Variants in GSG1L observed in about 807,000 individuals in gnomAD.
The protein encoded by GSG1L is germ cell-specific gene 1-like protein.
In GSG1L, 24 loss-of-function variants were observed where a neutral mutation model predicts 42.1. The ratio of observed to expected loss-of-function variants is 0.57; its 90% confidence interval spans 0.41 to 0.80. The LOEUF is 0.80. GSG1L is among the 30% of genes least tolerant of loss of function. The pLI, the probability that GSG1L is intolerant of heterozygous loss-of-function variation, is 0.00. For missense variants in GSG1L, 445 were observed against 472.2 expected, an observed-to-expected ratio of 0.94 and a Z score of 0.53; for synonymous variants, 215 against 203.5, an observed-to-expected ratio of 1.06 and a Z score of -0.48.
Position 27,865,552 on chromosome 16 carries a change from TATATATATATATATATATATACAC to T in GSG1L, c.550+18910_550+18933del, listed in dbSNP as rs1348998036. 7.9e-3 allele frequency among the ~76,000 whole-genome samples: 339 copies of T among 42,756 alleles called. 21 individuals carry two copies. The highest frequency in any genetic ancestry group is 0.04 in the South Asian group (62 of 1,538). The allele number at this position is 42,756 out of a possible 152,430, so 28.0% of individuals were successfully genotyped here. ...ATATATATATATATATATATATATA[TATATATATATATATATATATACAC>T]ACACACATACATACATACACACACA... On this transcript the variant is annotated intron_variant, in intron 3 of 6. Transcript: ENST00000447459.
intron 3 of GSG1L, among the ~76,000 whole-genome samples, chr16:27,854,064 T>G (rs2140992825): frequency 6.6e-6 from 1 of 151,848 alleles, no homozygotes; most frequent in Non-Finnish European, 1.5e-5. Context: ...TACATCCAGG[T>G]GTTCCAAGAA....
chr16:27,837,412 A>G (rs1194556463), intron 4 of GSG1L, among the ~76,000 whole-genome samples: 3 of 143,572 alleles, frequency 2.1e-5, no homozygotes, highest in Admixed American at 6.9e-5. Flanking sequence ...CAAGATGGAG[A>G]TGGTTCCTGG....
At chr16:27,822,097 G>C (rs1166032771) in intron 5 of GSG1L, among the ~76,000 whole-genome samples, 1 of 151,938 alleles carries the variant, frequency 6.6e-6, no homozygotes, top group East Asian at 1.9e-4. Context: ...GGGGTGAGGG[G>C]GGCGGGGGCA....
chr16:27,891,083 A>G (rs1392036779), intron 2 of GSG1L, among the ~76,000 whole-genome samples: 1 of 152,002 alleles, frequency 6.6e-6, no homozygotes. Context: ...ATGCCGGGGG[A>G]CGTACACCAA....
intron 4 of GSG1L, among the ~76,000 whole-genome samples, chr16:27,833,695 C>CT (rs1943438090): frequency 6.6e-6 from 1 of 151,988 alleles, no homozygotes; most frequent in East Asian, 1.9e-4. Context: ...GTCTATTTCA[C>CT]TTTTTTAGTA....
In GSG1L at chr16:28,018,173, C is replaced by T. The variant is rs143591922; in HGVS notation, c.349+44903G>A. Reference sequence around the variant, plus strand: ...ACCATCAGAGAACATGTTGTTCAAACACTGCCTGTAACATTAGTAATGCAA... The same window carrying T: ...ACCATCAGAGAACATGTTGTTCAAATACTGCCTGTAACATTAGTAATGCAA... On this transcript the variant is annotated intron_variant, in intron 1 of 6. Coordinates refer to ENST00000447459, the MANE Select transcript of GSG1L (RefSeq NM_001109763.2). Among the ~76,000 whole-genome samples, 603 of 152,308 alleles carry T rather than the reference C, an allele frequency of 4.0e-3. 3 individuals are homozygous for T. The highest frequency in any genetic ancestry group is 0.012 in the African/African-American group (485 of 41,560).
chr16:27,909,894 G>A (rs912213724), intron 2 of GSG1L, among the ~76,000 whole-genome samples: 2 of 151,498 alleles, frequency 1.3e-5, no homozygotes, highest in Non-Finnish European at 2.9e-5. Flanking sequence ...ATCAAGGTTC[G>A]GGGAAGCAAT....
In GSG1L at chr16:28,038,168, A is replaced by C. The variant is rs115691979; in HGVS notation, c.349+24908T>G. ...TGTTGTGTTTTGTTTTAGAGACAGG[A>C]TCTTGCTCTGTTGCCCAGGATGGTC... On this transcript the variant is annotated intron_variant, in intron 1 of 6. Coordinates refer to ENST00000447459, the MANE Select transcript of GSG1L (RefSeq NM_001109763.2). 4.8e-3 allele frequency among the ~76,000 whole-genome samples: 731 copies of C among 152,218 alleles called. 3 individuals carry two copies. The highest frequency in any genetic ancestry group is 0.017 in the African/African-American group (687 of 41,516).
chr16:27,959,531 G>A (rs71377618), intron 2 of GSG1L, among the ~76,000 whole-genome samples: 1 of 143,890 alleles, frequency 6.9e-6, no homozygotes, highest in East Asian at 2.1e-4. Flanking sequence ...GGGGAGGGGA[G>A]GGAAGGGGAG....
At chr16:27,876,311 A>G (rs1176414961) in intron 3 of GSG1L, among the ~76,000 whole-genome samples, 1 of 152,186 alleles carries the variant, frequency 6.6e-6, no homozygotes, top group African/African-American at 2.4e-5. Context: ...GGCCATTTAC[A>G]GGAAGAAGCA....
intron 2 of GSG1L, among the ~76,000 whole-genome samples, chr16:27,931,945 CTG>C (rs2084661222): frequency 1.3e-5 from 2 of 152,338 alleles, no homozygotes; most frequent in African/African-American, 2.4e-5. Flanking sequence ...ATAGCACAAA[CTG>C]AGATCAACTG....
intron 2 of GSG1L, among the ~76,000 whole-genome samples, chr16:27,929,499 G>A (rs908781439): frequency 2.0e-5 from 3 of 152,092 alleles, no homozygotes; most frequent in Admixed American, 6.5e-5. Flanking sequence ...TGCTAAGTAC[G>A]GACATCCTCC....
chr16:28,027,734 A>C (rs1450061826), intron 1 of GSG1L, among the ~76,000 whole-genome samples: 1 of 152,070 alleles, frequency 6.6e-6, no homozygotes, highest in Non-Finnish European at 1.5e-5. Context: ...TAGAAGTAAG[A>C]GTCTTGGCCA....
chr16:27,844,790 GC>G (rs2083424158), intron 4 of GSG1L, among the ~76,000 whole-genome samples, 159 bp downstream of exon 4: 1 of 152,040 alleles, frequency 6.6e-6, no homozygotes, highest in Non-Finnish European at 1.5e-5. Flanking sequence ...GCCAATCCCT[GC>G]CCTGGGGTCT....
At chr16:27,815,084 C>A (rs1009104425) in intron 5 of GSG1L, among the ~76,000 whole-genome samples, 1 of 152,092 alleles carries the variant, frequency 6.6e-6, no homozygotes, top group Non-Finnish European at 1.5e-5. Flanking sequence ...CATGAGCCAT[C>A]GCACCCAACC....
chr16:27,954,815 A>G (rs2084987538), intron 2 of GSG1L, among the ~76,000 whole-genome samples: 1 of 152,064 alleles, frequency 6.6e-6, no homozygotes, highest in East Asian at 1.9e-4. Flanking sequence ...CACCATGTCC[A>G]GTTAATTTTA....
intron 3 of GSG1L, among the ~76,000 whole-genome samples, chr16:27,880,137 G>A (rs1396181581): frequency 3.3e-5 from 5 of 152,180 alleles, no homozygotes; most frequent in Non-Finnish European, 7.3e-5. Flanking sequence ...GAGCAGAGCA[G>A]AAGCCCTCTC....
intron 2 of GSG1L, among the ~76,000 whole-genome samples, chr16:27,958,966 C>T (rs1210085509): frequency 6.6e-6 from 1 of 151,940 alleles, no homozygotes; most frequent in Non-Finnish European, 1.5e-5. Flanking sequence ...TGAGCCACTG[C>T]ACCCGGCCAC....
chr16:27,883,882 T>C (rs1239170467), intron 3 of GSG1L, among the ~76,000 whole-genome samples: 3 of 152,228 alleles, frequency 2.0e-5, no homozygotes, highest in African/African-American at 7.2e-5. Context: ...ATGATGCAGT[T>C]GACTGTCCCA....
Sources: allele counts gnomAD v4.1 joint callset (sites outside exome capture counted in the v4.1 genomes callset), GRCh38; gene constraint gnomAD v4.1.1; transcripts MANE v1.5; gene names NCBI Gene and HGNC (gene_info 2026-07-23, HGNC 2026-07-21).